Variants in PHF20L1 observed in about 807,000 individuals in gnomAD.
PHF20L1 encodes the protein PHD finger protein 20-like protein 1.
A neutral mutation model predicts 125.5 loss-of-function variants in PHF20L1; 44 were observed. The ratio of observed to expected loss-of-function variants is 0.35; its 90% CI spans 0.28 to 0.45. PHF20L1 has a LOEUF of 0.45. Among genes scored for constraint, PHF20L1 ranks in the 20% least tolerant of loss-of-function variants. PHF20L1 has a pLI of 1.00. For synonymous variants in PHF20L1, 380 were observed against 403.1 expected, an observed-to-expected ratio of 0.94 and a Z score of 0.69; for missense variants, 1,012 against 1,217.2, an observed-to-expected ratio of 0.83 and a Z score of 2.51.
Position 132,846,152 on chromosome 8 carries a change from A to G in PHF20L1, c.*229A>G, listed in dbSNP as rs1029047534. 9.0e-6 allele frequency: 4 copies of G among 446,222 alleles called. No individual in the cohort carries two copies. Among genetic ancestry groups the G allele is most frequent in the African/African-American group, 7.8e-5 (4 of 51,258 alleles). 27.6% of individuals were successfully genotyped at this position (446,222 alleles called of 1,614,324 possible). ...CAAGCTGCAAATGAGAATGTGTTAT[A>G]TGCCAAGGAACAATGAAGTAGAATA... On this transcript the variant is annotated 3_prime_UTR_variant, in exon 21 of 21. Coordinates refer to ENST00000395386, the MANE Select transcript of PHF20L1 (RefSeq NM_016018.5).
At position 132,811,053 on chromosome 8, in the gene PHF20L1, G is replaced by T; in HGVS notation, c.855G>T (p.Leu285Phe). The T allele has an allele frequency of 6.3e-7, 1 of 1,598,128 alleles. No homozygotes were observed. The highest frequency in any genetic ancestry group is 1.1e-5 in the South Asian group (1 of 90,752). ...TGTACAATTTTTCTCAAGGTTTGTT[G>T]GCATCCAAAGCTGTTGGGGTTGATG... ...RARLNKITGL[L>F]ASKAVGVDGA... is the part of the protein sequence containing the mutation. Residue 285 changes from leucine (L) to phenylalanine (F), a missense_variant, in exon 9 of 21, where the codon TTG becomes TTT. Physicochemically the swap from Leu to Phe is conservative, Grantham distance 22 (BLOSUM62 0). Around this residue, in one of 7 missense-constraint regions of PHF20L1, gnomAD observed 13 missense variants for 39.3 expected, o/e 0.33. Transcript: ENST00000395386.
At chr8:132,845,512 C>T (rs1305451092) in intron 20 of PHF20L1, among the ~76,000 whole-genome samples, 1 of 151,846 alleles carries the variant, frequency 6.6e-6, no homozygotes, top group Non-Finnish European at 1.5e-5. Context: ...TATGTATTTT[C>T]CCCCTTATAT....
chr8:132,795,993 C>T (rs950427530), intron 4 of PHF20L1, among the ~76,000 whole-genome samples: 3 of 152,004 alleles, frequency 2.0e-5, no homozygotes, highest in African/African-American at 7.2e-5. Context: ...CTGTGGAAAG[C>T]GAAATCGCGG....
intron 2 of PHF20L1, among the ~76,000 whole-genome samples, chr8:132,793,767 T>C (rs1259661067): frequency 6.6e-6 from 1 of 152,222 alleles, no homozygotes; most frequent in Non-Finnish European, 1.5e-5. Context: ...CTTACCATCA[T>C]TGTTGCTCTT....
chr8:132,798,753 T>C lies in PHF20L1; in HGVS notation c.341-19T>C, dbSNP rs1233775906. On this transcript the variant is annotated intron_variant, in intron 4 of 20. Coordinates refer to ENST00000395386, the MANE Select transcript of PHF20L1 (RefSeq NM_016018.5). ...CTTGAATTATATTTTCTAATGATTC[T>C]GACTTGCTCCTGTTTCAGGAACATT... is the stretch of plus-strand genomic sequence containing the variant. 6.6e-7 allele frequency: 1 copy of C among 1,504,762 alleles called. No individual in the cohort carries two copies. Among genetic ancestry groups the C allele is most frequent in the Non-Finnish European group, 9.2e-7 (1 of 1,086,352 alleles). The allele number at this position is 1,504,762 out of a possible 1,614,324, so 93.2% of individuals were successfully genotyped here.
intron 2 of PHF20L1, among the ~76,000 whole-genome samples, chr8:132,783,804 T>C (rs948309408): frequency 6.6e-6 from 1 of 152,166 alleles, no homozygotes; most frequent in Admixed American, 6.5e-5. Context: ...TATGTATACA[T>C]CAAAATAAAT....
chr8:132,830,250 G>A (rs1240628666), intron 14 of PHF20L1, among the ~76,000 whole-genome samples: 3 of 151,872 alleles, frequency 2.0e-5, no homozygotes, highest in South Asian at 2.1e-4. Flanking sequence ...TCACTCTCAC[G>A]TCATCTCTTC....
intron 2 of PHF20L1, 83 bp downstream of exon 2, chr8:132,777,994 A>G: frequency 2.4e-6 from 2 of 837,790 alleles, no homozygotes; most frequent in South Asian, 1.5e-5. Context: ...AATTCCACTG[A>G]TGGTAGCAGA....
In PHF20L1 at chr8:132,817,365, G is replaced by C. The variant is rs1256082732; in HGVS notation, c.1399G>C (p.Glu467Gln). The C allele has an allele frequency of 6.2e-7, 1 of 1,612,492 alleles. No homozygotes were observed. Among genetic ancestry groups the C allele is most frequent in the Non-Finnish European group, 8.5e-7 (1 of 1,179,038 alleles). ...EVPDVAHLPL[E>Q]KLGPCLPLDL... ...GCCTGATGTTGCACATTTGCCACTT[G>C]AGAAGCTGGGACCCTGTCTCCCTCT... The change falls in exon 12 of 21, where the codon GAG becomes CAG. Residue 467 changes from glutamate to glutamine, a missense_variant. Physicochemically the swap from Glu to Gln is conservative, Grantham distance 29. This residue lies in a region of PHF20L1 where 320 missense variants were observed against 293.8 expected (regional missense o/e 1.09). Coordinates refer to ENST00000395386, the MANE Select transcript of PHF20L1 (RefSeq NM_016018.5).
chr8:132,838,506 A>G lies in PHF20L1; in HGVS notation c.2191+695A>G, dbSNP rs550919671. On this transcript the variant is annotated intron_variant, in intron 17 of 20. Transcript: ENST00000395386. ...TCTACTTGGTGCCTTCTTCTATGCT[A>G]GAGGATCTTCAGATAGCATATTCTG... 5.9e-5 allele frequency: 9 copies of G among 152,338 alleles called. No individual in the cohort carries two copies. In the East Asian group the frequency reaches 1.7e-3, roughly 29 times the overall value. 9.4% of individuals were successfully genotyped at this position (152,338 alleles called of 1,614,324 possible).
chr8:132,780,396 T>C lies in PHF20L1; in HGVS notation c.83+2485T>C, dbSNP rs1299789899. On this transcript the variant is annotated intron_variant, in intron 2 of 20. Transcript: ENST00000395386. ...CATTTTACATTTCATGGAAATTCTGTAAATTTTTGCATTAATATTAAGTAA... is the reference window on the plus strand; with the variant it reads ...CATTTTACATTTCATGGAAATTCTGCAAATTTTTGCATTAATATTAAGTAA... Among the ~76,000 whole-genome samples, 3 of 152,184 alleles carry C rather than the reference T, an allele frequency of 2.0e-5. No individual in the cohort carries two copies. In the East Asian group the frequency reaches 5.8e-4, roughly 29 times the overall value.
rs761046882 is a variant in PHF20L1 at position 132,804,619 on chromosome 8, T to G, written c.726T>G (p.Leu242=). The G allele has an allele frequency of 6.2e-7, 1 of 1,604,948 alleles. No individual in the cohort carries two copies. The highest frequency in any genetic ancestry group is 1.3e-5 in the African/African-American group (1 of 74,554). Residue 242 remains leucine (L), a synonymous_variant, in exon 8 of 21, where the codon CTT becomes CTG. Coordinates refer to ENST00000395386, the MANE Select transcript of PHF20L1 (RefSeq NM_016018.5). ...DLPTSSETFG[L]HVENVPKMVF... ...TATGTGTTCTGTTGAAAGTAGGACT[T>G]CATGTAGAGAACGTTCCAAAGATGG...
At chr8:132,831,304 A>G (rs1459012105) in intron 14 of PHF20L1, among the ~76,000 whole-genome samples, 1 of 152,048 alleles carries the variant, frequency 6.6e-6, no homozygotes, top group African/African-American at 2.4e-5. Context: ...ACAGCTTGCC[A>G]AATGTGGCAT....
rs1833258212 is a variant in PHF20L1, at chr8:132,802,966, G to A, written c.508-853G>A. 2.6e-5 allele frequency among the ~76,000 whole-genome samples: 4 copies of A among 151,634 alleles called. No individual in the cohort carries two copies. In the South Asian group the frequency reaches 8.3e-4, roughly 31 times the overall value. Reference sequence around the variant, plus strand: ...TCACTTTGTAGAGATATTTATATTTGTTTTAAAAACATTTTTATTGTGAAA... The same window carrying A: ...TCACTTTGTAGAGATATTTATATTTATTTTAAAAACATTTTTATTGTGAAA... On this transcript the variant is annotated intron_variant, in intron 6 of 20. Transcript: ENST00000395386.
chr8:132,825,930 C>T (rs1836128578), intron 14 of PHF20L1, among the ~76,000 whole-genome samples: 2 of 151,970 alleles, frequency 1.3e-5, no homozygotes, highest in Non-Finnish European at 2.9e-5. Context: ...GACTTCCAGC[C>T]TTCAGAACTT....
At position 132,811,148 on chromosome 8, in the gene PHF20L1, G is replaced by C; in HGVS notation, c.930+20G>C. 2 of 1,610,286 alleles carry C rather than the reference G, an allele frequency of 1.2e-6. No individual in the cohort carries two copies. Among genetic ancestry groups the C allele is most frequent in the East Asian group, 4.5e-5 (2 of 44,700 alleles). On this transcript the variant is annotated intron_variant, in intron 9 of 20. Coordinates refer to ENST00000395386, the MANE Select transcript of PHF20L1 (RefSeq NM_016018.5). ...GAGCAGGTATGAAATGGTAGCATTT[G>C]ATTTTTTTCAAGGTTCCCACTGGAA...
Position 132,832,325 on chromosome 8 carries a change from G to A in PHF20L1, c.1835G>A (p.Arg612Gln), listed in dbSNP as rs1836865116. Residue 612 changes from arginine to glutamine, a missense_variant, in exon 15 of 21, where the codon CGA becomes CAA. This residue lies in a region of PHF20L1 where 320 missense variants were observed against 293.8 expected (regional missense o/e 1.09). Coordinates refer to ENST00000395386, the MANE Select transcript of PHF20L1 (RefSeq NM_016018.5). ...TCTTCTGGGAGTTCTCTGGCTTCAC[G>A]AAGCATGTTTACGGAGAAAACTACA... Reference protein sequence around the residue: ...TRSSGSSLASRSMFTEKTTTY... With the variant: ...TRSSGSSLASQSMFTEKTTTY... 5.0e-6 allele frequency: 8 copies of A among 1,611,420 alleles called. No individual in the cohort carries two copies. Among genetic ancestry groups the A allele is most frequent in the East Asian group, 2.2e-5 (1 of 44,830 alleles).
chr8:132,843,095 CTG>C, intron 19 of PHF20L1: 1 of 1,240,190 alleles, frequency 8.1e-7, no homozygotes, highest in Non-Finnish European at 1.0e-6. Context: ...ATTCAATAAA[CTG>C]TTACTCTAAC....
chr8:132,795,030 C>G (rs1832219295), intron 4 of PHF20L1, among the ~76,000 whole-genome samples: 1 of 152,044 alleles, frequency 6.6e-6, no homozygotes. Flanking sequence ...AATTAGTAGA[C>G]AAAAATAGTT....
Sources: allele counts gnomAD v4.1 joint callset (sites outside exome capture counted in the v4.1 genomes callset), GRCh38; gene constraint gnomAD v4.1.1; regional missense constraint gnomAD v4.1.1; transcripts MANE v1.5; gene names NCBI Gene and HGNC (gene_info 2026-07-23, HGNC 2026-07-21).